The following GNAO1 variants were observed in gnomAD, a reference collection of about 807,000 sequenced individuals.
GNAO1 encodes the protein G protein subunit alpha o1.
For missense variants in GNAO1, 166 were observed against 478.7 expected, an observed-to-expected ratio of 0.35 and a Z score of 6.10; for synonymous variants, 164 against 180.7, an observed-to-expected ratio of 0.91 and a Z score of 0.74.
At chr16:56,290,546 C>A (rs1262262716) in intron 3 of GNAO1, among the ~76,000 whole-genome samples, 1 of 152,218 alleles carries the variant, frequency 6.6e-6, no homozygotes, top group Non-Finnish European at 1.5e-5. Flanking sequence ...GAGTTTGGAA[C>A]CTGAGTTCTA....
At position 56,241,763 on chromosome 16, in the gene GNAO1, A is replaced by AGT. The variant is rs546762950; in HGVS notation, c.162-34167_162-34166dup. On this transcript the variant is annotated intron_variant, in intron 2 of 8. Coordinates refer to ENST00000262493, the MANE Select transcript of GNAO1 (RefSeq NM_020988.3). ...AGACCTGCTGCTTTCCTTATCCTGCAGTCCAGTGTCCCTTCGTGACAAGGC... is the reference window on the plus strand; with the variant it reads ...AGACCTGCTGCTTTCCTTATCCTGCAGTGTCCAGTGTCCCTTCGTGACAAGGC... 2.8e-3 allele frequency among the ~76,000 whole-genome samples: 426 copies of AGT among 152,352 alleles called. 1 individual carries two copies. Among genetic ancestry groups the AGT allele is most frequent in the Non-Finnish European group, 4.6e-3 (315 of 68,038 alleles).
intron 3 of GNAO1, among the ~76,000 whole-genome samples, chr16:56,286,727 GTGTGTA>G (rs2037174591): frequency 2.1e-5 from 3 of 145,152 alleles, no homozygotes; most frequent in Admixed American, 6.8e-5. Context: ...GTGTGTGTGT[GTGTGTA>G]TGTGTGTATC....
At chr16:56,319,203 A>G (rs1318269135) in intron 3 of GNAO1, among the ~76,000 whole-genome samples, 1 of 152,218 alleles carries the variant, frequency 6.6e-6, no homozygotes, top group Non-Finnish European at 1.5e-5. Flanking sequence ...CCAGTTTCAC[A>G]CAAAGAATAT....
chr16:56,293,363 C>T (rs993064007), intron 3 of GNAO1, among the ~76,000 whole-genome samples: 14 of 152,096 alleles, frequency 9.2e-5, no homozygotes, highest in African/African-American at 2.9e-4. Flanking sequence ...AGCTTTGCTT[C>T]TCTGTGACAT....
intron 5 of GNAO1, among the ~76,000 whole-genome samples, chr16:56,335,629 C>T (rs1211670018): frequency 1.3e-5 from 2 of 152,168 alleles, no homozygotes; most frequent in Non-Finnish European, 2.9e-5. Flanking sequence ...GCCCAGGAAC[C>T]CCTAGGCCTC....
chr16:56,324,023 C>T (rs561906307), intron 3 of GNAO1, among the ~76,000 whole-genome samples: 2 of 151,464 alleles, frequency 1.3e-5, no homozygotes, highest in Admixed American at 6.6e-5. Flanking sequence ...GCGGGAAGGG[C>T]GGGGGGCCAG....
At chr16:56,281,518 C>G (rs1156738350) in intron 3 of GNAO1, among the ~76,000 whole-genome samples, 2 of 151,978 alleles carry the variant, frequency 1.3e-5, no homozygotes, top group African/African-American at 2.4e-5. Context: ...TTTCCCCTCC[C>G]CTTCTATCTC....
rs144693730 is a variant in GNAO1 at position 56,290,141 on chromosome 16, AC to A, written c.303+14071del. ...TATCTCCTCCATAGGGGACTTCTCC[AC>A]CACTGCTTCCCTCCCCCAGGCCTGG... On this transcript the variant is annotated intron_variant, in intron 3 of 8. Transcript: ENST00000262493. Among the ~76,000 whole-genome samples, 5 of 152,094 alleles carry A rather than the reference AC, an allele frequency of 3.3e-5. No homozygotes were observed. The East Asian group carries it at 9.7e-4, about 29-fold the overall frequency.
intron 2 of GNAO1, among the ~76,000 whole-genome samples, chr16:56,223,073 G>A (rs1446333577): frequency 6.6e-6 from 1 of 152,200 alleles, no homozygotes; most frequent in East Asian, 1.9e-4. Flanking sequence ...AAAACAATAA[G>A]ATGTATTGTT....
At chr16:56,243,401 A>G (rs1444780146) in intron 2 of GNAO1, among the ~76,000 whole-genome samples, 1 of 152,178 alleles carries the variant, frequency 6.6e-6, no homozygotes, top group Non-Finnish European at 1.5e-5. Flanking sequence ...AGAGTGGGAA[A>G]AAATATTTGC....
chr16:56,220,392 C>T (rs1007816148), intron 2 of GNAO1, among the ~76,000 whole-genome samples: 1 of 152,172 alleles, frequency 6.6e-6, no homozygotes, highest in East Asian at 1.9e-4. Context: ...CCTGGTAAGT[C>T]CAGGCTTCCA....
At chr16:56,236,837 T>G (rs533020332) in intron 2 of GNAO1, among the ~76,000 whole-genome samples, 23 of 152,312 alleles carry the variant, frequency 1.5e-4, no homozygotes, top group African/African-American at 5.1e-4. Flanking sequence ...TTTCAGATTC[T>G]GAATACATTC....
intron 3 of GNAO1, among the ~76,000 whole-genome samples, chr16:56,283,993 T>C (rs2037139694): frequency 6.6e-6 from 1 of 152,218 alleles, no homozygotes; most frequent in Non-Finnish European, 1.5e-5. Context: ...AGCATTCAGC[T>C]TCCTGCATCA....
At chr16:56,350,472 C>T (rs964736179) in intron 6 of GNAO1, among the ~76,000 whole-genome samples, 1 of 152,238 alleles carries the variant, frequency 6.6e-6, no homozygotes, top group Non-Finnish European at 1.5e-5. Context: ...ATGAGCTCAG[C>T]GCCCCAAAGC....
intron 3 of GNAO1, among the ~76,000 whole-genome samples, chr16:56,277,296 T>C (rs1172794534): frequency 6.6e-6 from 1 of 152,164 alleles, no homozygotes; most frequent in African/African-American, 2.4e-5. Context: ...GAAGCACTTC[T>C]TCCTGGAAGG....
chr16:56,204,473 G>A (rs1284752321), intron 2 of GNAO1, among the ~76,000 whole-genome samples: 4 of 152,092 alleles, frequency 2.6e-5, no homozygotes, highest in African/African-American at 4.8e-5. Context: ...GTGGCAGTGA[G>A]GAAGGGAACC....
At chr16:56,300,033 G>GTGTGTGTGTGTT (rs2037327277) in intron 3 of GNAO1, among the ~76,000 whole-genome samples, 1 of 148,770 alleles carries the variant, frequency 6.7e-6, no homozygotes, top group African/African-American at 2.5e-5. Flanking sequence ...GTGTGTGTGT[G>GTGTGTGTGTGTT]TGTGCGCGCG....
chr16:56,247,262 G>C (rs1567453745), intron 2 of GNAO1, among the ~76,000 whole-genome samples: 1 of 152,154 alleles, frequency 6.6e-6, no homozygotes, highest in Non-Finnish European at 1.5e-5. Flanking sequence ...GGGGTGCACA[G>C]TTTCCTTTAC....
chr16:56,220,969 A>G (rs1180983531), intron 2 of GNAO1, among the ~76,000 whole-genome samples: 1 of 151,802 alleles, frequency 6.6e-6, no homozygotes, highest in Non-Finnish European at 1.5e-5. Context: ...GCTGGTCTTG[A>G]ACTCCTGACC....
Sources: gnomAD v4.1 joint callset for allele counts (sites outside exome capture counted in the v4.1 genomes callset) on GRCh38, gnomAD v4.1.1 for gene constraint, MANE v1.5 for transcripts, NCBI Gene and HGNC (gene_info 2026-07-23, HGNC 2026-07-21) for gene names.